The following ZBTB32 variants were observed in gnomAD, a reference collection of about 807,000 sequenced individuals.
ZBTB32 encodes zinc finger and BTB domain containing 32, also known as zinc finger and BTB domain-containing protein 32.
A neutral mutation model predicts 45.3 loss-of-function variants in ZBTB32; 28 were observed. That is an observed-to-expected ratio of 0.62 (90% CI 0.46 to 0.85). The LOEUF (loss-of-function observed/expected upper bound fraction) is 0.85. ZBTB32 is among the 40% of genes least tolerant of loss of function. The pLI is 0.00. For synonymous variants in ZBTB32, 283 were observed against 255.7 expected (o/e 1.11, Z -1.02); for missense variants, 587 against 624.4 (o/e 0.94, Z 0.64).
chr19:35,712,772 G>T (rs1266752593), intron 1 of ZBTB32, 145 bp from the exon 2 acceptor site: 1 of 152,196 alleles, frequency 6.6e-6, no homozygotes, highest in Non-Finnish European at 1.5e-5. Flanking sequence ...GAGGATCTGA[G>T]TCACTCACAC....
intron 1 of ZBTB32, among the ~76,000 whole-genome samples, chr19:35,712,376 C>A (rs1968725757): frequency 6.6e-6 from 1 of 152,144 alleles, no homozygotes; most frequent in Non-Finnish European, 1.5e-5. Flanking sequence ...GTGGGAGGAT[C>A]ATGTGAGCCC....
At chr19:35,711,332 G>A (rs1000101691) in intron 1 of ZBTB32, among the ~76,000 whole-genome samples, 3 of 152,206 alleles carry the variant, frequency 2.0e-5, no homozygotes, top group Non-Finnish European at 4.4e-5. Flanking sequence ...GAGGAAGGGT[G>A]TTTCCCTCTG....
intron 1 of ZBTB32, among the ~76,000 whole-genome samples, chr19:35,706,396 GGT>G (rs1157967555): frequency 6.7e-6 from 1 of 148,314 alleles, no homozygotes; most frequent in Non-Finnish European, 1.5e-5. Context: ...CACAGGAAGA[GGT>G]GTGTGAGATA....
intron 1 of ZBTB32, among the ~76,000 whole-genome samples, chr19:35,708,535 T>G (rs555282386): frequency 6.6e-6 from 1 of 152,278 alleles, no homozygotes; most frequent in African/African-American, 2.4e-5. Flanking sequence ...AAGACTTAGC[T>G]CCATATGAGT....
At position 35,714,561 on chromosome 19, in the gene ZBTB32, A is replaced by G. The variant is rs1409833982; in HGVS notation, c.-66A>G. On this transcript the variant is annotated 5_prime_UTR_variant, in exon 3 of 7. Coordinates refer to ENST00000392197, the MANE Select transcript of ZBTB32 (RefSeq NM_014383.3). ...TGAGATGTTCCTCCCTCCCCTTTCA[A>G]CCATGGACCTCACACTGTGGACTTC... is the stretch of plus-strand genomic sequence containing the variant. 1 of 1,444,782 alleles carries G rather than the reference A, an allele frequency of 6.9e-7. No homozygotes were observed. The highest frequency in any genetic ancestry group is 9.2e-7 in the Non-Finnish European group (1 of 1,087,958). 89.5% of individuals were successfully genotyped at this position (1,444,782 alleles called of 1,614,324 possible).
chr19:35,706,282 T>C (rs566408455), intron 1 of ZBTB32, among the ~76,000 whole-genome samples: 1 of 151,310 alleles, frequency 6.6e-6, no homozygotes, highest in African/African-American at 2.4e-5. Context: ...TCATTCTCCC[T>C]GTCCCACTCT....
Position 35,716,703 on chromosome 19 carries a change from C to A in ZBTB32, c.1415C>A (p.Pro472Gln), listed in dbSNP as rs747295934. The A allele has an allele frequency of 3.1e-6, 5 of 1,613,852 alleles. No homozygotes were observed. Among genetic ancestry groups the A allele is most frequent in the African/African-American group, 2.7e-5 (2 of 74,940 alleles). ...RSTFLYSSSR[P>Q]SRPSTSPCCP... ...ACCTTCCTCTACTCCTCCTCGAGGC[C>A]GTCTCGGCCCTCGACCTCTCCCTGT... Residue 472 changes from proline to glutamine, a missense_variant, in exon 7 of 7, where the codon CCG becomes CAG. Coordinates refer to ENST00000392197, the MANE Select transcript of ZBTB32 (RefSeq NM_014383.3).
intron 1 of ZBTB32, among the ~76,000 whole-genome samples, chr19:35,706,518 T>C (rs1349922132): frequency 1.3e-5 from 2 of 151,816 alleles, no homozygotes; most frequent in Non-Finnish European, 1.5e-5. Flanking sequence ...GGTCAGGAGT[T>C]CAAGACCAGC....
chr19:35,714,772 G>A lies in ZBTB32; in HGVS notation c.146G>A (p.Gly49Asp), dbSNP rs1296615625. 2 of 1,614,202 alleles carry A rather than the reference G, an allele frequency of 1.2e-6. No individual in the cohort carries two copies. Among genetic ancestry groups the A allele is most frequent in the Non-Finnish European group, 1.7e-6 (2 of 1,180,036 alleles). Residue 49 changes from glycine to aspartate, a missense_variant, in exon 3 of 7, where the codon GGT (glycine) becomes GAT (aspartate). Coordinates refer to ENST00000392197, the MANE Select transcript of ZBTB32 (RefSeq NM_014383.3). ...CCCGCCCACAGCCTGGTGCTAGCAG[G>A]TGTCAGCCAGCAGCTGGGCCGCAGG... ...EFPAHSLVLA[G>D]VSQQLGRRGQ...
At chr19:35,711,481 TC>T (rs1303591077) in intron 1 of ZBTB32, among the ~76,000 whole-genome samples, 1 of 152,170 alleles carries the variant, frequency 6.6e-6, no homozygotes, top group Non-Finnish European at 1.5e-5. Flanking sequence ...ATTTGCATTT[TC>T]CCTTTCGTTC....
chr19:35,712,497 A>G (rs1380539164), intron 1 of ZBTB32, among the ~76,000 whole-genome samples: 1 of 152,214 alleles, frequency 6.6e-6, no homozygotes, highest in East Asian at 1.9e-4. Context: ...AAATTTTGCT[A>G]TAGGATCAGG....
Position 35,716,764 on chromosome 19 carries a change from T to C in ZBTB32, c.*12T>C. 4.4e-6 allele frequency: 7 copies of C among 1,595,098 alleles called. No individual in the cohort carries two copies. The East Asian group carries it at 1.4e-4, about 31-fold the overall frequency. On this transcript the variant is annotated 3_prime_UTR_variant, in exon 7 of 7. Transcript: ENST00000392197. ...CCTCCACCACCTGACGGGGTGTCGG[T>C]AGCGTCTTAGCCAAGAGTCCAATTA...
In ZBTB32 at chr19:35,716,191, C is replaced by T. The variant is rs570044531; in HGVS notation, c.1083C>T (p.His361=). 16 of 1,613,748 alleles carry T rather than the reference C, an allele frequency of 9.9e-6. No individual in the cohort carries two copies. Among genetic ancestry groups the T allele is most frequent in the Non-Finnish European group, 1.4e-5 (16 of 1,179,960 alleles). ...AGGCAGGCTGCCCACCTCGCCCGCA[C>T]CCTCCCCCGGCCCCTCCTGCTCGGT... ...EDKAGCPPRP[H]PPPAPPARSR... Residue 361 remains histidine (H), a synonymous_variant, in exon 6 of 7, where the codon CAC becomes CAT. Coordinates refer to ENST00000392197, the MANE Select transcript of ZBTB32 (RefSeq NM_014383.3).
Position 35,715,170 on chromosome 19 carries a change from C to CA in ZBTB32, c.545dup (p.Glu183GlyfsTer41). 1 of 1,613,518 alleles carries CA rather than the reference C, an allele frequency of 6.2e-7. No individual in the cohort carries two copies. Among genetic ancestry groups the CA allele is most frequent in the Non-Finnish European group, 8.5e-7 (1 of 1,179,928 alleles). ...CAGACCCGAGATGGCAGGAGCAACG[C>CA]AGGAGGCTCAGCAGGAACAGACCAG... On this transcript the variant is annotated frameshift_variant, in exon 3 of 7. Transcript: ENST00000392197. LOFTEE classifies it high-confidence loss of function.
chr19:35,709,015 T>A (rs1968618977), intron 1 of ZBTB32, among the ~76,000 whole-genome samples: 1 of 152,076 alleles, frequency 6.6e-6, no homozygotes, highest in Admixed American at 6.6e-5. Flanking sequence ...AGACAGGGTT[T>A]CTCCATGTTG....
At position 35,716,709 on chromosome 19, in the gene ZBTB32, G is replaced by T. The variant is rs776204376; in HGVS notation, c.1421G>T (p.Arg474Leu). The T allele has an allele frequency of 6.2e-7, 1 of 1,613,918 alleles. No individual in the cohort carries two copies. ...TFLYSSSRPS[R>L]PSTSPCCPSS... ...CTCTACTCCTCCTCGAGGCCGTCTC[G>T]GCCCTCGACCTCTCCCTGTTGTCCT... Residue 474 changes from arginine to leucine, a missense_variant, in exon 7 of 7, where the codon CGG (arginine) becomes CTG (leucine). Arg to Leu is a moderately radical substitution (Grantham distance 102). Coordinates refer to ENST00000392197, the MANE Select transcript of ZBTB32 (RefSeq NM_014383.3).
In ZBTB32 at chr19:35,710,293, C is replaced by T. The variant is rs1351237349; in HGVS notation, c.-221-2624C>T. On this transcript the variant is annotated intron_variant, in intron 1 of 6. Coordinates refer to ENST00000392197, the MANE Select transcript of ZBTB32 (RefSeq NM_014383.3). Reference sequence around the variant, plus strand: ...TGCCTTTTATCACATACTCCCCTTCCAATCATGCCCTACCTAATCTCTCTA... The same window carrying T: ...TGCCTTTTATCACATACTCCCCTTCTAATCATGCCCTACCTAATCTCTCTA... 3.9e-5 allele frequency among the ~76,000 whole-genome samples: 6 copies of T among 152,262 alleles called. No homozygotes were observed. In the East Asian group the frequency reaches 1.2e-3, roughly 29 times the overall value.
rs527528115 is a variant in ZBTB32 at position 35,708,103 on chromosome 19, C to G, written c.-222+3480C>G. On this transcript the variant is annotated intron_variant, in intron 1 of 6. Transcript: ENST00000392197. ...TATTTATGGGGCCTGGGCAAGATGA[C>G]AGAGACTCCCTCGTCTCTTCCCATG... 7.9e-5 allele frequency among the ~76,000 whole-genome samples: 12 copies of G among 152,292 alleles called. No homozygotes were observed. The East Asian group carries it at 2.3e-3, about 29-fold the overall frequency.
In ZBTB32 at chr19:35,715,382, C is replaced by G; in HGVS notation, c.756C>G (p.Ala252=). Residue 252 remains alanine, a synonymous_variant, in exon 3 of 7, where the codon GCC becomes GCG. Coordinates refer to ENST00000392197, the MANE Select transcript of ZBTB32 (RefSeq NM_014383.3). ...SVTPRPSWAE[A]PWLVGGQPAL... ...CCCCTAGGCCCTCGTGGGCTGAGGC[C>G]CCTTGGTTGGTGGGGGGCCAGCCTG... 2 of 1,611,954 alleles carry G rather than the reference C, an allele frequency of 1.2e-6. No homozygotes were observed. Among genetic ancestry groups the G allele is most frequent in the Non-Finnish European group, 1.7e-6 (2 of 1,179,302 alleles).
Sources: allele counts gnomAD v4.1 joint callset (sites outside exome capture counted in the v4.1 genomes callset), GRCh38; gene constraint gnomAD v4.1.1; transcripts MANE v1.5; gene names NCBI Gene and HGNC (gene_info 2026-07-23, HGNC 2026-07-21).